Variants in AFF2 observed in about 807,000 individuals in gnomAD.
The protein encoded by AFF2 is ALF transcription elongation factor 2.
A neutral mutation model predicts 76.9 loss-of-function variants in AFF2; 14 were observed. The ratio of observed to expected loss-of-function variants is 0.18; its 90% CI spans 0.12 to 0.28. The LOEUF (loss-of-function observed/expected upper bound fraction) is 0.28. Among genes scored for constraint, AFF2 ranks in the 10% least tolerant of loss-of-function variants. The pLI is 1.00. For missense variants in AFF2, 868 were observed against 1,001.1 expected (o/e 0.87, Z 1.79); for synonymous variants, 398 against 366.7 (o/e 1.09, Z -0.98).
chrX:148,758,566 G>C (rs2069403163), intron 3 of AFF2, among the ~76,000 whole-genome samples: 1 of 111,654 alleles, frequency 9.0e-6, no homozygotes, highest in Non-Finnish European at 1.9e-5. Context: ...CCCCAAAACA[G>C]AATCATAATG....
At chrX:148,951,195 A>ACACACC (rs2071963869) in intron 9 of AFF2, among the ~76,000 whole-genome samples, 1 of 110,871 alleles carries the variant, frequency 9.0e-6, no homozygotes, top group African/African-American at 3.3e-5. Context: ...ACACACACAC[A>ACACACC]CACCCCAATT....
chrX:148,514,177 C>A (rs997931989), intron 1 of AFF2, among the ~76,000 whole-genome samples: 9 of 111,212 alleles, frequency 8.1e-5, no homozygotes, highest in African/African-American at 2.9e-4. Flanking sequence ...ATGACAATAA[C>A]CGGAAAACCA....
At chrX:148,681,245 G>A (rs1389445038) in intron 3 of AFF2, among the ~76,000 whole-genome samples, 1 of 111,468 alleles carries the variant, frequency 9.0e-6, no homozygotes, top group Non-Finnish European at 1.9e-5. Context: ...ATCACACCAG[G>A]CACCAAACAC....
chrX:148,665,006 G>A (rs539224018), intron 3 of AFF2, among the ~76,000 whole-genome samples: 2 of 111,616 alleles, frequency 1.8e-5, no homozygotes, highest in South Asian at 7.5e-4. Context: ...ATGGGAGGTG[G>A]GGATATCATT....
At chrX:148,672,459 G>A (rs1042712168) in intron 3 of AFF2, among the ~76,000 whole-genome samples, 8 of 111,972 alleles carry the variant, frequency 7.1e-5, no homozygotes, top group African/African-American at 2.6e-4. Context: ...GCAGGACCAG[G>A]ACCCAGGCTT....
chrX:148,904,664 G>A (rs184267388), intron 9 of AFF2, among the ~76,000 whole-genome samples: 2 of 112,257 alleles, frequency 1.8e-5, no homozygotes, highest in East Asian at 2.8e-4. Context: ...TTCCAGCCAC[G>A]TGGGGAGGTT....
At chrX:148,655,165 A>G (rs1360718522) in intron 2 of AFF2, among the ~76,000 whole-genome samples, 1 of 111,571 alleles carries the variant, frequency 9.0e-6, no homozygotes, top group Non-Finnish European at 1.9e-5. Flanking sequence ...CTGTCTTGAT[A>G]TTACAAGGGT....
chrX:148,876,483 G>A (rs1229788225), intron 7 of AFF2, among the ~76,000 whole-genome samples: 2 of 111,895 alleles, frequency 1.8e-5, no homozygotes, highest in African/African-American at 6.5e-5. Flanking sequence ...CATGTTACAT[G>A]ATGAGCTCTG....
chrX:148,799,350 C>T (rs782749838), intron 3 of AFF2, among the ~76,000 whole-genome samples: 44 of 111,287 alleles, frequency 4.0e-4, no homozygotes, highest in South Asian at 7.6e-4. Flanking sequence ...AATATAAGAC[C>T]ATCATCATGG....
intron 19 of AFF2, among the ~76,000 whole-genome samples, chrX:148,981,284 T>C (rs1391573479): frequency 9.0e-6 from 1 of 111,606 alleles, no homozygotes; most frequent in Non-Finnish European, 1.9e-5. Flanking sequence ...AAGCATCCAC[T>C]ATAATGCTGA....
At chrX:148,642,522 G>A (rs972416248) in intron 1 of AFF2, among the ~76,000 whole-genome samples, 1 of 112,056 alleles carries the variant, frequency 8.9e-6, no homozygotes, top group Admixed American at 9.4e-5. Context: ...ATATTTAATG[G>A]GCCTAGAGAG....
At chrX:148,570,273 G>T (rs782406322) in intron 1 of AFF2, among the ~76,000 whole-genome samples, 7 of 111,715 alleles carry the variant, frequency 6.3e-5, no homozygotes, top group African/African-American at 2.3e-4. Context: ...TATTTATTAA[G>T]AATGAGTCAG....
chrX:148,807,285 A>G (rs1204217829), intron 3 of AFF2, among the ~76,000 whole-genome samples: 2 of 112,176 alleles, frequency 1.8e-5, no homozygotes, highest in Non-Finnish European at 3.8e-5. Flanking sequence ...ACGAGAAGAC[A>G]GGACTTAAGA....
intron 3 of AFF2, among the ~76,000 whole-genome samples, chrX:148,788,452 G>A (rs2069850575): frequency 2.7e-5 from 3 of 111,810 alleles, no homozygotes; most frequent in Non-Finnish European, 5.6e-5. Context: ...GCAGGTCAGA[G>A]GGTCCATCGC....
intron 14 of AFF2, 58 bp from the exon 15 acceptor site, chrX:148,967,571 G>A: frequency 9.6e-7 from 1 of 1,040,397 alleles, no homozygotes; most frequent in Non-Finnish European, 1.3e-6. Flanking sequence ...TGATGATTCA[G>A]TCTTTTACTG....
In AFF2 at chrX:148,721,923, C is replaced by G. The variant is rs1345043902; in HGVS notation, c.1041+59155C>G. The stretch of plus-strand genomic sequence containing the variant: ...GTGTCGATGCCCAAATTTCCCTCTT[C>G]TCATAAGGACATCAGTCATATTGGA... On this transcript the variant is annotated intron_variant, in intron 3 of 20. Coordinates refer to ENST00000370460, the MANE Select transcript of AFF2 (RefSeq NM_002025.4). Among the ~76,000 whole-genome samples, 6 of 111,858 alleles carry G rather than the reference C, an allele frequency of 5.4e-5. 1 individual carries two copies. In the Admixed American group the frequency reaches 5.7e-4, roughly 11 times the overall value.
At chrX:148,830,526 G>C (rs2070440830) in intron 4 of AFF2, among the ~76,000 whole-genome samples, 1 of 112,077 alleles carries the variant, frequency 8.9e-6, no homozygotes, top group Non-Finnish European at 1.9e-5. Context: ...TAAAGGGAAA[G>C]AGTACAAAGA....
chrX:148,780,228 G>A (rs1370008244), intron 3 of AFF2, among the ~76,000 whole-genome samples: 1 of 111,184 alleles, frequency 9.0e-6, no homozygotes, highest in Non-Finnish European at 1.9e-5. Flanking sequence ...ATGTATCTTG[G>A]GGTTGCTCTT....
intron 3 of AFF2, among the ~76,000 whole-genome samples, chrX:148,741,370 G>A (rs1265415911): frequency 1.8e-5 from 2 of 110,429 alleles, no homozygotes; most frequent in Non-Finnish European, 3.8e-5. Flanking sequence ...GTACCTAGGA[G>A]TATTATGGCT....
Sources: gnomAD v4.1 joint callset for allele counts (sites outside exome capture counted in the v4.1 genomes callset) on GRCh38, gnomAD v4.1.1 for gene constraint, MANE v1.5 for transcripts, NCBI Gene and HGNC (gene_info 2026-07-23, HGNC 2026-07-21) for gene names.